Variants in RNASEH2B observed in about 807,000 individuals in gnomAD.
RNASEH2B encodes Aicardi-Goutieres syndrome 2 protein.
Under a neutral mutation model 45.0 loss-of-function variants are expected in RNASEH2B, and 36 were observed. The observed-to-expected ratio is 0.80, with a 90% CI of 0.61 to 1.06. RNASEH2B has a LOEUF of 1.06. Among genes scored for constraint, RNASEH2B ranks in the 50% least tolerant of loss-of-function variants. The pLI is 0.00. For synonymous variants in RNASEH2B, 119 were observed against 125.7 expected, an observed-to-expected ratio of 0.95 and a Z score of 0.35; for missense variants, 361 against 360.3, an observed-to-expected ratio of 1.00 and a Z score of -0.02.
At chr13:50,923,932 C>A (rs1951556484) in intron 1 of RNASEH2B, among the ~76,000 whole-genome samples, 1 of 152,150 alleles carries the variant, frequency 6.6e-6, no homozygotes, top group African/African-American at 2.4e-5. Context: ...AGAAAACTTA[C>A]TACTCTTGAA....
chr13:50,957,343 G>A (rs149132902), downstream of RNASEH2B, among the ~76,000 whole-genome samples: 1,535 of 152,258 alleles, frequency 0.01, 26 homozygotes, highest in African/African-American at 0.034. Context: ...GTGAGAACAT[G>A]TGGTATTTGG....
intron 7 of RNASEH2B, among the ~76,000 whole-genome samples, chr13:50,947,375 A>G (rs925398490): frequency 7.5e-6 from 1 of 133,062 alleles, no homozygotes; most frequent in Non-Finnish European, 1.6e-5. Context: ...TAAGTATTTT[A>G]TTAGTTTGGG....
intron 7 of RNASEH2B, 129 bp from the exon 8 acceptor site, chr13:50,947,858 G>T: frequency 6.8e-7 from 1 of 1,467,008 alleles, no homozygotes; most frequent in Non-Finnish European, 9.3e-7. Context: ...AGAAAACTGA[G>T]GCTAGAGCTT....
chr13:50,920,271 C>T (rs1406940334), intron 1 of RNASEH2B, among the ~76,000 whole-genome samples: 1 of 152,182 alleles, frequency 6.6e-6, no homozygotes, highest in East Asian at 1.9e-4. Flanking sequence ...TCTCTAACTC[C>T]TGGCCTCAAG....
intron 1 of RNASEH2B, chr13:50,927,030 G>A (rs1224892747): frequency 8.6e-6 from 2 of 232,012 alleles, no homozygotes; most frequent in East Asian, 2.3e-4. Context: ...CAGTAGATTG[G>A]CTAATTTGAT....
chr13:50,942,242 TG>T (rs1258761900), intron 5 of RNASEH2B: 5 of 152,348 alleles, frequency 3.3e-5, no homozygotes, highest in African/African-American at 1.2e-4. Context: ...GAGGAAATCA[TG>T]GTTTAATGTC....
intron 5 of RNASEH2B, 26 bp downstream of exon 5, chr13:50,935,025 G>A (rs1951728917): frequency 3.4e-6 from 5 of 1,470,978 alleles, no homozygotes; most frequent in Non-Finnish European, 4.8e-6. Context: ...AAGGCTTATG[G>A]CTGGTAGAAA....
chr13:50,909,950 C>T lies in RNASEH2B; in HGVS notation c.-127C>T, dbSNP rs1879238403. ...GAAATTCGGTCCCTGGGCCTCCTCC[C>T]GGGCGCTGCCGGTCCCTCAGCGCGC... On this transcript the variant is annotated 5_prime_UTR_variant, in exon 1 of 11. Transcript: ENST00000336617. 1.7e-5 allele frequency: 12 copies of T among 700,338 alleles called. No individual in the cohort carries two copies. Among genetic ancestry groups the T allele is most frequent in the Non-Finnish European group, 2.2e-5 (10 of 456,566 alleles). 43.4% of individuals were successfully genotyped at this position (700,338 alleles called of 1,614,324 possible).
intron 4 of RNASEH2B, among the ~76,000 whole-genome samples, chr13:50,931,385 C>G (rs1319410594): frequency 6.6e-6 from 1 of 152,036 alleles, no homozygotes; most frequent in East Asian, 1.9e-4. Context: ...TCTAGCAATA[C>G]TCTTAGAAAT....
chr13:50,935,137 C>G, intron 5 of RNASEH2B, 138 bp downstream of exon 5: 2 of 683,438 alleles, frequency 2.9e-6, no homozygotes, highest in Admixed American at 4.2e-5. Flanking sequence ...TTTGCTAACA[C>G]TGCCAGCACT....
At chr13:50,962,939 C>G (rs1952125325) in intron 9 of RNASEH2B, among the ~76,000 whole-genome samples, 1 of 151,948 alleles carries the variant, frequency 6.6e-6, no homozygotes, top group Non-Finnish European at 1.5e-5. Flanking sequence ...TCCCTTTTCT[C>G]CCTATCCCCT....
intron 1 of RNASEH2B, among the ~76,000 whole-genome samples, chr13:50,926,304 A>ATAGAAAAAT (rs1951595154): frequency 6.6e-6 from 1 of 152,200 alleles, no homozygotes; most frequent in African/African-American, 2.4e-5. Flanking sequence ...AGTGGGGGCC[A>ATAGAAAAAT]TAGAAAAATA....
chr13:50,970,035 T>C, exon 10 of RNASEH2B: 1 of 1,461,590 alleles, frequency 6.8e-7, no homozygotes, highest in Non-Finnish European at 9.4e-7. Context: ...ACTCGGACTT[T>C]TTCTTCTGCA....
intron 7 of RNASEH2B, among the ~76,000 whole-genome samples, chr13:50,946,890 CT>C (rs1951906770): frequency 2.0e-5 from 3 of 152,128 alleles, no homozygotes; most frequent in Admixed American, 1.3e-4. Context: ...TTTTCTTGGT[CT>C]AGTCATGACT....
chr13:50,940,173 A>G (rs772238133), intron 5 of RNASEH2B, among the ~76,000 whole-genome samples: 1 of 152,234 alleles, frequency 6.6e-6, no homozygotes, highest in South Asian at 2.1e-4. Flanking sequence ...TATATACTAT[A>G]TCATTTCATT....
chr13:50,918,621 G>A (rs774676158), intron 1 of RNASEH2B, among the ~76,000 whole-genome samples: 1 of 152,200 alleles, frequency 6.6e-6, no homozygotes, highest in Non-Finnish European at 1.5e-5. Context: ...TTTGACAGCA[G>A]TGCTAATGTT....
chr13:50,937,552 A>G (rs1337134291), intron 5 of RNASEH2B: 2 of 152,142 alleles, frequency 1.3e-5, no homozygotes, highest in African/African-American at 2.4e-5. Context: ...AATGGGGGGA[A>G]AAATACGTAA....
chr13:50,966,382 G>A (rs1952164788), intron 9 of RNASEH2B, among the ~76,000 whole-genome samples: 1 of 152,126 alleles, frequency 6.6e-6, no homozygotes, highest in African/African-American at 2.4e-5. Flanking sequence ...TTGGCCCTTT[G>A]CTTCTCTTAC....
intron 1 of RNASEH2B, among the ~76,000 whole-genome samples, chr13:50,926,554 C>T (rs565306155): frequency 2.0e-5 from 3 of 151,738 alleles, no homozygotes; most frequent in Admixed American, 6.6e-5. Flanking sequence ...GTTAACTTCT[C>T]GAAAAAAATA....
Sources: gnomAD v4.1 joint callset for allele counts (sites outside exome capture counted in the v4.1 genomes callset) on GRCh38, gnomAD v4.1.1 for gene constraint, MANE v1.5 for transcripts, NCBI Gene and HGNC (gene_info 2026-07-23, HGNC 2026-07-21) for gene names.